C8A: variants seen among roughly 807,000 people sequenced by gnomAD.
The protein encoded by C8A is complement component C8 alpha chain.
A neutral mutation model predicts 65.3 loss-of-function variants in C8A; 67 were observed. The ratio of observed to expected loss-of-function variants is 1.03; its 90% CI spans 0.84 to 1.26. C8A has a LOEUF of 1.26. C8A is among the 50% of genes most tolerant of loss of function. C8A has a pLI of 0.00. For synonymous variants in C8A, 290 were observed against 259.4 expected (o/e 1.12, Z -1.13); for missense variants, 781 against 723.9 (o/e 1.08, Z -0.90).
At chr1:56,900,785 G>A (rs745494591) in intron 7 of C8A, among the ~76,000 whole-genome samples, 7 of 152,308 alleles carry the variant, frequency 4.6e-5, no homozygotes, top group South Asian at 2.1e-4. Context: ...GGGGGGCTTG[G>A]CACATGCCAG....
At chr1:56,903,630 G>A (rs762439662) in intron 7 of C8A, among the ~76,000 whole-genome samples, 1 of 152,082 alleles carries the variant, frequency 6.6e-6, no homozygotes, top group East Asian at 1.9e-4. Flanking sequence ...GATGGAACTG[G>A]CTACTAAGTC....
chr1:56,898,809 G>A (rs1369213974), intron 7 of C8A, among the ~76,000 whole-genome samples: 6 of 152,104 alleles, frequency 3.9e-5, no homozygotes, highest in African/African-American at 1.4e-4. Flanking sequence ...CTGAGCCCAT[G>A]TATGCTGGGC....
At chr1:56,900,216 G>T (rs1644416358) in intron 7 of C8A, among the ~76,000 whole-genome samples, 1 of 152,176 alleles carries the variant, frequency 6.6e-6, no homozygotes, top group Non-Finnish European at 1.5e-5. Flanking sequence ...ATGTTCCTCT[G>T]CAGAATAACA....
chr1:56,862,002 GC>G (rs1354348063), intron 1 of C8A, among the ~76,000 whole-genome samples: 3 of 152,162 alleles, frequency 2.0e-5, no homozygotes, highest in South Asian at 4.1e-4. Flanking sequence ...TAGACTCTTT[GC>G]CCAATATGCT....
intron 2 of C8A, among the ~76,000 whole-genome samples, chr1:56,871,710 T>G (rs540968638): frequency 6.6e-6 from 1 of 152,256 alleles, no homozygotes; most frequent in South Asian, 2.1e-4. Flanking sequence ...TGTAAAGTGT[T>G]TGGCCAAGAG....
At chr1:56,865,722 T>C (rs1644079363) in intron 1 of C8A, among the ~76,000 whole-genome samples, 1 of 152,190 alleles carries the variant, frequency 6.6e-6, no homozygotes, top group Admixed American at 6.5e-5. Flanking sequence ...ACAAATAACA[T>C]TACTTGTTAC....
intron 1 of C8A, among the ~76,000 whole-genome samples, chr1:56,860,979 T>G (rs2101187332): frequency 6.6e-6 from 1 of 152,314 alleles, no homozygotes; most frequent in South Asian, 2.1e-4. Flanking sequence ...TAGTCAGTTT[T>G]GTGTTGTTAT....
chr1:56,858,540 G>A (rs1643999466), intron 1 of C8A, among the ~76,000 whole-genome samples: 1 of 152,146 alleles, frequency 6.6e-6, no homozygotes, highest in Non-Finnish European at 1.5e-5. Flanking sequence ...AGGCCTATAG[G>A]CAGTTGATCC....
At chr1:56,881,849 C>G (rs1040636948) in intron 5 of C8A, among the ~76,000 whole-genome samples, 2 of 152,164 alleles carry the variant, frequency 1.3e-5, no homozygotes, top group Non-Finnish European at 2.9e-5. Context: ...TAAATCTTGG[C>G]TCCATTCCAA....
Position 56,883,660 on chromosome 1 carries a change from A to G in C8A, c.834A>G (p.Glu278=). 6.2e-7 allele frequency: 1 copy of G among 1,613,736 alleles called. No individual in the cohort carries two copies. Among genetic ancestry groups the G allele is most frequent in the South Asian group, 1.1e-5 (1 of 91,076 alleles). ...CACAAGACACTTCATTCTTGAACGA[A>G]TTAAACAAGTATAATGAGAAGGTAT... ...SHSQDTSFLN[E]LNKYNEKKFI... The change falls in exon 6 of 11, where the codon GAA becomes GAG. Residue 278 remains glutamate, a synonymous_variant. Transcript: ENST00000361249.
chr1:56,865,850 G>C (rs1408016555), intron 1 of C8A, among the ~76,000 whole-genome samples: 1 of 152,176 alleles, frequency 6.6e-6, no homozygotes, highest in East Asian at 1.9e-4. Flanking sequence ...ATATTATACA[G>C]TGAAATGCAT....
Position 56,867,676 on chromosome 1 carries a change from G to A in C8A, c.145G>A (p.Asp49Asn). The change falls in exon 2 of 11, where the codon GAT (aspartate) becomes AAT (asparagine). Residue 49 changes from aspartate to asparagine, a missense_variant. Physicochemically the swap from Asp to Asn is conservative, Grantham distance 23. Transcript: ENST00000361249. ...CQLSNWSEWT[D>N]CFPCQDKKYR... is the part of the protein sequence containing the mutation. Reference sequence around the variant, plus strand: ...GCTGAGCAACTGGTCAGAGTGGACAGATTGCTTTCCGTGCCAGGACAAAAA... The same window carrying A: ...GCTGAGCAACTGGTCAGAGTGGACAAATTGCTTTCCGTGCCAGGACAAAAA... 1 of 1,613,880 alleles carries A rather than the reference G, an allele frequency of 6.2e-7. No homozygotes were observed. Among genetic ancestry groups the A allele is most frequent in the Non-Finnish European group, 8.5e-7 (1 of 1,179,862 alleles).
At position 56,854,929 on chromosome 1, in the gene C8A, T is replaced by C; in HGVS notation, c.28T>C (p.Ser10Pro). ...GTTTGCTGTTGTTTTCTTCATCTTG[T>C]CTTTGATGACTTGTCAGCCTGGGGT... The part of the protein sequence containing the change: MFAVVFFIL[S>P]LMTCQPGVTA... The change falls in exon 1 of 11, where the codon TCT (serine) becomes CCT (proline). Residue 10 changes from serine (S) to proline (P), a missense_variant. Ser to Pro is a moderately conservative substitution (Grantham distance 74). Coordinates refer to ENST00000361249, the MANE Select transcript of C8A (RefSeq NM_000562.3). The C allele has an allele frequency of 3.7e-6, 6 of 1,613,798 alleles. No homozygotes were observed. Among genetic ancestry groups the C allele is most frequent in the South Asian group, 1.1e-5 (1 of 90,998 alleles).
intron 7 of C8A, among the ~76,000 whole-genome samples, chr1:56,889,138 G>C (rs953292012): frequency 1.3e-5 from 2 of 152,074 alleles, no homozygotes; most frequent in Non-Finnish European, 2.9e-5. Flanking sequence ...CCTCAGCTCT[G>C]TTTATAGAAA....
chr1:56,871,130 T>C (rs1644143538), intron 2 of C8A, among the ~76,000 whole-genome samples: 1 of 152,186 alleles, frequency 6.6e-6, no homozygotes, highest in South Asian at 2.1e-4. Context: ...ACAATGGCAA[T>C]AGTCACCATT....
At chr1:56,888,053 G>A (rs137981093) in intron 7 of C8A, among the ~76,000 whole-genome samples, 2 of 152,152 alleles carry the variant, frequency 1.3e-5, no homozygotes, top group East Asian at 3.8e-4. Context: ...GATGGATGCA[G>A]CAAACCACCA....
intron 7 of C8A, among the ~76,000 whole-genome samples, chr1:56,887,423 G>A (rs1644308142): frequency 6.6e-6 from 1 of 152,094 alleles, no homozygotes; most frequent in Admixed American, 6.6e-5. Context: ...GTATCTCATT[G>A]TGGTTTTGAT....
intron 10 of C8A, 121 bp downstream of exon 10, chr1:56,912,746 C>A (rs1644519860): frequency 1.2e-6 from 1 of 816,520 alleles, no homozygotes; most frequent in Non-Finnish European, 2.1e-6. Context: ...TACCTAGGAG[C>A]CACCCTTGAG....
At chr1:56,890,489 T>C (rs1644335968) in intron 7 of C8A, among the ~76,000 whole-genome samples, 1 of 152,172 alleles carries the variant, frequency 6.6e-6, no homozygotes, top group Admixed American at 6.6e-5. Flanking sequence ...TTTTACTTCC[T>C]GGCCCCATCA....
Sources: allele counts gnomAD v4.1 joint callset (sites outside exome capture counted in the v4.1 genomes callset), GRCh38; gene constraint gnomAD v4.1.1; transcripts MANE v1.5; gene names NCBI Gene and HGNC (gene_info 2026-07-23, HGNC 2026-07-21).